The following A1CF variants were observed in gnomAD, a reference collection of about 807,000 sequenced individuals.
A1CF encodes APOBEC-1 stimulating protein.
A neutral mutation model predicts 68.9 loss-of-function variants in A1CF; 48 were observed. The ratio of observed to expected loss-of-function variants is 0.70; its 90% CI spans 0.55 to 0.89. A1CF has a LOEUF of 0.89. Among genes scored for constraint, A1CF ranks in the 40% least tolerant of loss-of-function variants. A1CF has a pLI of 0.00. For synonymous variants in A1CF, 272 were observed against 260.4 expected (o/e 1.04, Z -0.43); for missense variants, 653 against 718.9 (o/e 0.91, Z 1.05).
intron 1 of A1CF, among the ~76,000 whole-genome samples, chr10:50,866,331 T>C (rs1340769539): frequency 1.3e-5 from 2 of 152,242 alleles, no homozygotes; most frequent in African/African-American, 2.4e-5. Flanking sequence ...AGTGCCTATT[T>C]GACCAAGAAA....
intron 3 of A1CF, among the ~76,000 whole-genome samples, chr10:50,854,476 T>A (rs1840388772): frequency 6.6e-6 from 1 of 152,000 alleles, no homozygotes; most frequent in Non-Finnish European, 1.5e-5. Flanking sequence ...TTCTAAAAAA[T>A]TATACATTTC....
chr10:50,866,789 T>G (rs1009998620), intron 1 of A1CF, among the ~76,000 whole-genome samples: 1 of 152,138 alleles, frequency 6.6e-6, no homozygotes, highest in Non-Finnish European at 1.5e-5. Flanking sequence ...CCTGAAGTTA[T>G]GAGAATGGTA....
intron 12 of A1CF, among the ~76,000 whole-genome samples, chr10:50,807,662 G>C (rs1423052798): frequency 6.6e-6 from 1 of 152,140 alleles, no homozygotes; most frequent in Admixed American, 6.5e-5. Context: ...TTGAAGAAGA[G>C]AGCATATTAG....
rs949102690 is a variant in A1CF, at chr10:50,803,620, G to A, written c.*3109C>T. 1 of 152,074 alleles carries A rather than the reference G, an allele frequency of 6.6e-6. No homozygotes were observed. Among genetic ancestry groups the A allele is most frequent in the African/African-American group, 2.4e-5 (1 of 41,404 alleles). The allele number at this position is 152,074 out of a possible 1,614,324, so 9.4% of individuals were successfully genotyped here. Reference sequence around the variant, plus strand: ...TTTGAGAAGAGGCAGCACTTTTATAGGAAAGAAAATAGATACCCAATCCCA... The same window carrying A: ...TTTGAGAAGAGGCAGCACTTTTATAAGAAAGAAAATAGATACCCAATCCCA... On this transcript the variant is annotated 3_prime_UTR_variant, in exon 13 of 13. Coordinates refer to ENST00000373997, the MANE Select transcript of A1CF (RefSeq NM_014576.4).
intron 1 of A1CF, among the ~76,000 whole-genome samples, chr10:50,868,525 A>G (rs1331107688): frequency 6.6e-6 from 1 of 152,226 alleles, no homozygotes; most frequent in East Asian, 1.9e-4. Context: ...AATGTGCAAC[A>G]TCTTAGTTTT....
intron 7 of A1CF, 127 bp downstream of exon 7, chr10:50,828,004 A>G: frequency 1.7e-6 from 1 of 586,028 alleles, no homozygotes; most frequent in Non-Finnish European, 2.7e-6. Flanking sequence ...AGAATACTAT[A>G]AACACCTCTA....
chr10:50,831,165 A>G lies in A1CF; in HGVS notation c.605-2870T>C, dbSNP rs1839219119. On this transcript the variant is annotated intron_variant, in intron 6 of 12. Coordinates refer to ENST00000373997, the MANE Select transcript of A1CF (RefSeq NM_014576.4). ...TGGAAACAGTAAAACTACTAGAAAG[A>G]AACATAAGGGAAAGTTTCTTGACAT... Among the ~76,000 whole-genome samples the G allele has an allele frequency of 4.6e-5, 7 of 152,216 alleles. 1 individual carries two copies. The South Asian group carries it at 1.4e-3, about 31-fold the overall frequency.
Position 50,820,481 on chromosome 10 carries a change from G to T in A1CF, c.867+71C>A. 5 of 1,354,286 alleles carry T rather than the reference G, an allele frequency of 3.7e-6. No individual in the cohort carries two copies. The South Asian group carries it at 6.2e-5, about 17-fold the overall frequency. The allele number at this position is 1,354,286 out of a possible 1,614,324, so 83.9% of individuals were successfully genotyped here. ...TGGAGTGAGACAGGCTTGCAGGACTGTGCTTTTGGATGTAATATCCACACC... is the reference window on the plus strand; with the variant it reads ...TGGAGTGAGACAGGCTTGCAGGACTTTGCTTTTGGATGTAATATCCACACC... On this transcript the variant is annotated intron_variant, in intron 8 of 12. Coordinates refer to ENST00000373997, the MANE Select transcript of A1CF (RefSeq NM_014576.4).
chr10:50,814,070 C>G (rs375346339), intron 9 of A1CF, 32 bp from the exon 10 acceptor site: 5 of 1,610,972 alleles, frequency 3.1e-6, no homozygotes, highest in African/African-American at 1.3e-5. Flanking sequence ...TTTCTAGGAA[C>G]GTAAGAAGGC....
intron 3 of A1CF, among the ~76,000 whole-genome samples, chr10:50,854,338 C>G (rs755890687): frequency 1.4e-4 from 22 of 151,844 alleles, no homozygotes; most frequent in East Asian, 5.8e-4. Flanking sequence ...GAATACTTCT[C>G]CATGTCTTTG....
chr10:50,807,071 C>G (rs999325604), intron 12 of A1CF, among the ~76,000 whole-genome samples, 191 bp from the exon 13 acceptor site: 1 of 152,148 alleles, frequency 6.6e-6, no homozygotes, highest in Non-Finnish European at 1.5e-5. Context: ...TTTAAACAGT[C>G]CTAGGACAAT....
intron 6 of A1CF, among the ~76,000 whole-genome samples, chr10:50,835,469 A>C (rs1839443416): frequency 6.6e-6 from 1 of 152,074 alleles, no homozygotes; most frequent in Non-Finnish European, 1.5e-5. Flanking sequence ...ACTGTAAAAA[A>C]TTTTCCTAAG....
rs1837668335 is a variant in A1CF, at chr10:50,803,045, G to C, written c.*3684C>G. 6.6e-6 allele frequency: 1 copy of C among 152,060 alleles called. No individual in the cohort carries two copies. The highest frequency in any genetic ancestry group is 2.4e-5 in the African/African-American group (1 of 41,406). The allele number at this position is 152,060 out of a possible 1,614,324, so 9.4% of individuals were successfully genotyped here. A position where few individuals can be genotyped will look rare whatever the true frequency, so the allele number is the denominator to read the frequency against. On this transcript the variant is annotated 3_prime_UTR_variant, in exon 13 of 13. Transcript: ENST00000373997. The stretch of plus-strand genomic sequence containing the variant: ...TTAATTTCTATTCCATCATGAAAAA[G>C]TTAAGAAACTGTGGTTTGGAAACAG...
chr10:50,876,612 G>A (rs1841525222), intron 1 of A1CF, among the ~76,000 whole-genome samples: 1 of 152,106 alleles, frequency 6.6e-6, no homozygotes, highest in South Asian at 2.1e-4. Context: ...TTGAAATATT[G>A]GCTCTTCTTG....
intron 8 of A1CF, among the ~76,000 whole-genome samples, chr10:50,818,229 A>T (rs974907746): frequency 6.6e-6 from 1 of 152,196 alleles, no homozygotes; most frequent in Non-Finnish European, 1.5e-5. Flanking sequence ...TGTATTAAAA[A>T]GTCAGTTCTT....
In A1CF at chr10:50,805,765, A is replaced by G. The variant is rs542659838; in HGVS notation, c.*964T>C. 1.3e-5 allele frequency: 2 copies of G among 152,362 alleles called. No individual in the cohort carries two copies. The highest frequency in any genetic ancestry group is 2.1e-4 in the South Asian group (1 of 4,826). 9.4% of individuals were successfully genotyped at this position (152,362 alleles called of 1,614,324 possible). ...TGGGGTGGATACTGCAACAATATCA[A>G]AGAAATGAGAGCAAATCTGCACTTC... On this transcript the variant is annotated 3_prime_UTR_variant, in exon 13 of 13. Transcript: ENST00000373997.
chr10:50,840,680 T>A (rs1839733503), intron 5 of A1CF, among the ~76,000 whole-genome samples: 1 of 152,210 alleles, frequency 6.6e-6, no homozygotes, highest in South Asian at 2.1e-4. Flanking sequence ...TTGCTATCTA[T>A]ATTTAGCTGA....
chr10:50,863,651 T>C (rs1304463375), intron 2 of A1CF, among the ~76,000 whole-genome samples: 1 of 151,996 alleles, frequency 6.6e-6, no homozygotes, highest in Non-Finnish European at 1.5e-5. Flanking sequence ...AGGTAATAAA[T>C]AAGATCAATA....
rs528910544 is a variant in A1CF, at chr10:50,883,832, A to C, written c.-94+1749T>G. On this transcript the variant is annotated intron_variant, in intron 1 of 12. Coordinates refer to ENST00000373997, the MANE Select transcript of A1CF (RefSeq NM_014576.4). ...CTTGGGCTCTGGATCAGACTACCAG[A>C]CAAAGGAGCCTGGCTCTGCCACTTG... is the stretch of plus-strand genomic sequence containing the variant. Among the ~76,000 whole-genome samples, 164 of 152,306 alleles carry C rather than the reference A, an allele frequency of 1.1e-3. 1 individual carries two copies. The highest frequency in any genetic ancestry group is 3.8e-3 in the African/African-American group (158 of 41,576).
Sources: allele counts gnomAD v4.1 joint callset (sites outside exome capture counted in the v4.1 genomes callset), GRCh38; gene constraint gnomAD v4.1.1; transcripts MANE v1.5; gene names NCBI Gene and HGNC (gene_info 2026-07-23, HGNC 2026-07-21).